Variants in IL23R observed in about 807,000 individuals in gnomAD.
The protein encoded by IL23R is interleukin-23 receptor.
In IL23R, 34 loss-of-function variants were observed where a neutral mutation model predicts 56.9. The ratio of observed to expected loss-of-function variants is 0.60; its 90% confidence interval spans 0.45 to 0.80. IL23R has a LOEUF of 0.80. Among genes scored for constraint, IL23R ranks in the 30% least tolerant of loss-of-function variants. The probability of loss-of-function intolerance (pLI) is 0.00; values close to 1 mark genes in which losing one functional copy is unlikely to be tolerated. For missense variants in IL23R, 635 were observed against 730.0 expected (o/e 0.87, Z 1.50); for synonymous variants, 230 against 249.2 (o/e 0.92, Z 0.73).
intron 4 of IL23R, among the ~76,000 whole-genome samples, chr1:67,199,380 T>G (rs1648436622): frequency 6.6e-6 from 1 of 151,996 alleles, no homozygotes; most frequent in African/African-American, 2.4e-5. Flanking sequence ...TCCCCACCAC[T>G]CCATCCTCAC....
At chr1:67,216,340 T>G (rs191001733) in intron 6 of IL23R, among the ~76,000 whole-genome samples, 86 of 151,836 alleles carry the variant, frequency 5.7e-4, no homozygotes, top group Middle Eastern at 3.4e-3. Context: ...GCTATTACTA[T>G]TATTATTATT....
At chr1:67,158,229 G>A (rs1646787134) in intron 1 of IL23R, among the ~76,000 whole-genome samples, 1 of 150,360 alleles carries the variant, frequency 6.7e-6, no homozygotes, top group African/African-American at 2.5e-5. Context: ...AAAAAAAAAA[G>A]AAATATTTTT....
At chr1:67,148,145 G>C (rs1204271506) in intron 1 of IL23R, among the ~76,000 whole-genome samples, 1 of 152,278 alleles carries the variant, frequency 6.6e-6, no homozygotes, top group East Asian at 1.9e-4. Flanking sequence ...CCGCAGCGGC[G>C]ATGGGCGCCT....
At chr1:67,256,464 C>T (rs542475006) in intron 10 of IL23R, among the ~76,000 whole-genome samples, 1 of 152,296 alleles carries the variant, frequency 6.6e-6, no homozygotes, top group South Asian at 2.1e-4. Flanking sequence ...CACCAGGAAG[C>T]CCCTGAGGGT....
At chr1:67,190,549 G>A (rs954956992) in intron 4 of IL23R, among the ~76,000 whole-genome samples, 1 of 151,978 alleles carries the variant, frequency 6.6e-6, no homozygotes, top group Non-Finnish European at 1.5e-5. Flanking sequence ...GGAAACACTG[G>A]TAATGTCTGG....
intron 9 of IL23R, among the ~76,000 whole-genome samples, chr1:67,249,197 T>A (rs142894890): frequency 2.0e-5 from 3 of 152,348 alleles, no homozygotes; most frequent in African/African-American, 7.2e-5. Context: ...TTTAATTAAT[T>A]TTTGTTCTAC....
intron 3 of IL23R, among the ~76,000 whole-genome samples, chr1:67,170,215 T>C (rs989132962): frequency 3.3e-5 from 5 of 152,178 alleles, no homozygotes; most frequent in African/African-American, 1.2e-4. Flanking sequence ...AGGAGGCTAA[T>C]TATACAGGCT....
In IL23R at chr1:67,259,238, A is replaced by G. The variant is rs1260892224; in HGVS notation, c.*110A>G. On this transcript the variant is annotated 3_prime_UTR_variant, in exon 11 of 11. Coordinates refer to ENST00000347310, the MANE Select transcript of IL23R (RefSeq NM_144701.3). ...CTTTTTGAAAAAAATGTATTCACAT[A>G]CAAATCTTCACATGGACACATGTTT... The G allele has an allele frequency of 2.0e-6, 2 of 996,208 alleles. No homozygotes were observed. The highest frequency in any genetic ancestry group is 1.9e-5 in the Admixed American group (1 of 52,042). The allele number at this position is 996,208 out of a possible 1,614,324, so 61.7% of individuals were successfully genotyped here.
At chr1:67,142,994 C>A (rs1404182005) in intron 1 of IL23R, among the ~76,000 whole-genome samples, 2 of 152,154 alleles carry the variant, frequency 1.3e-5, no homozygotes, top group Non-Finnish European at 2.9e-5. Context: ...ATAAATGAGA[C>A]CACTGATTCT....
At chr1:67,256,514 C>T (rs1652959134) in intron 10 of IL23R, among the ~76,000 whole-genome samples, 1 of 152,144 alleles carries the variant, frequency 6.6e-6, no homozygotes, top group South Asian at 2.1e-4. Context: ...AAGGAACAAG[C>T]TATGTGTGTT....
At chr1:67,186,835 G>A (rs1416746536) in intron 4 of IL23R, among the ~76,000 whole-genome samples, 1 of 152,052 alleles carries the variant, frequency 6.6e-6, no homozygotes, top group African/African-American at 2.4e-5. Context: ...TGCCCAGGCT[G>A]GTATGGAACT....
chr1:67,153,662 C>G (rs11209007), intron 1 of IL23R, among the ~76,000 whole-genome samples: 57,205 of 151,918 alleles, frequency 0.38, 11,026 homozygotes, highest in Admixed American at 0.48. Flanking sequence ...GTTCTCATTG[C>G]GTTCAAAGAA....
intron 7 of IL23R, among the ~76,000 whole-genome samples, chr1:67,234,832 C>T (rs1033382833): frequency 4.6e-5 from 7 of 151,240 alleles, no homozygotes; most frequent in East Asian, 1.9e-4. Flanking sequence ...CTCAGCCTCC[C>T]GAGTAGCTGG....
chr1:67,255,977 T>G (rs1483698765), intron 10 of IL23R, 50 bp downstream of exon 10: 2 of 966,994 alleles, frequency 2.1e-6, no homozygotes, highest in African/African-American at 1.6e-5. Context: ...AGACCAAGAG[T>G]GCAGTCTAAT....
rs562632624 is a variant in IL23R at position 67,247,671 on chromosome 1, G to T, written c.1148+7390G>T. 3.3e-5 allele frequency among the ~76,000 whole-genome samples: 5 copies of T among 152,196 alleles called. No homozygotes were observed. In the South Asian group the frequency reaches 8.3e-4, roughly 25 times the overall value. ...TGATCTTGTCATTATGATGTTAGCT[G>T]GTTATTTTGCCCATTAGTTGATGCG... is the stretch of plus-strand genomic sequence containing the variant. On this transcript the variant is annotated intron_variant, in intron 9 of 10. Coordinates refer to ENST00000347310, the MANE Select transcript of IL23R (RefSeq NM_144701.3).
chr1:67,161,155 A>T (rs1646814897), intron 1 of IL23R, among the ~76,000 whole-genome samples: 6 of 152,158 alleles, frequency 3.9e-5, no homozygotes, highest in Admixed American at 6.6e-5. Flanking sequence ...CGGGAAGGGG[A>T]AGTTAATGGG....
intron 9 of IL23R, among the ~76,000 whole-genome samples, chr1:67,249,207 C>G (rs1015815957): frequency 6.6e-6 from 1 of 152,204 alleles, no homozygotes; most frequent in African/African-American, 2.4e-5. Context: ...TTTTGTTCTA[C>G]TTTGGTTAGC....
chr1:67,153,029 G>C (rs1646742060), intron 1 of IL23R, among the ~76,000 whole-genome samples: 2 of 152,178 alleles, frequency 1.3e-5, no homozygotes, highest in African/African-American at 4.8e-5. Context: ...AATGGTAGCA[G>C]CTCCTCTTTG....
chr1:67,184,292 T>G (rs948309955), intron 4 of IL23R, among the ~76,000 whole-genome samples: 1 of 151,460 alleles, frequency 6.6e-6, no homozygotes, highest in African/African-American at 2.4e-5. Flanking sequence ...CCGCCTGTAA[T>G]CCCAGCACTT....
Sources: gnomAD v4.1 joint callset for allele counts (sites outside exome capture counted in the v4.1 genomes callset) on GRCh38, gnomAD v4.1.1 for gene constraint, MANE v1.5 for transcripts, NCBI Gene and HGNC (gene_info 2026-07-23, HGNC 2026-07-21) for gene names.